Variants in TEX10 observed in about 807,000 individuals in gnomAD.
TEX10 encodes the protein testis-expressed protein 10.
Under a neutral mutation model 104.4 loss-of-function variants are expected in TEX10, and 24 were observed. The observed-to-expected ratio is 0.23, with a 90% CI of 0.17 to 0.32. The LOEUF (loss-of-function observed/expected upper bound fraction) is 0.32. Among genes scored for constraint, TEX10 ranks in the 10% least tolerant of loss-of-function variants. The pLI is 1.00. For missense variants in TEX10, 921 were observed against 1,083.9 expected (o/e 0.85, Z 2.11); for synonymous variants, 396 against 393.4 (o/e 1.01, Z -0.08).
At chr9:100,336,206 C>T (rs778474180) in intron 5 of TEX10, among the ~76,000 whole-genome samples, 2 of 151,988 alleles carry the variant, frequency 1.3e-5, no homozygotes, top group African/African-American at 2.4e-5. Context: ...AATAAAAATA[C>T]ACTGGGGGTA....
intron 5 of TEX10, among the ~76,000 whole-genome samples, chr9:100,334,352 T>C (rs1469894717): frequency 6.6e-6 from 1 of 152,148 alleles, no homozygotes; most frequent in African/African-American, 2.4e-5. Flanking sequence ...AGTAAAATAT[T>C]ATTGTCAGTG....
chr9:100,346,885 G>A lies in TEX10; in HGVS notation c.702C>T (p.Phe234=), dbSNP rs553595195. ...RLKVLVRLSK[F]LQALADGSSR... ...TGGATCCATCTGCCAAGGCCTGAAG[G>A]AATTTACTGAGTCTCACTAAGACTT... Residue 234 remains phenylalanine (F), a synonymous_variant, in exon 3 of 15, where the codon TTC becomes TTT. Transcript: ENST00000374902. 4.6e-5 allele frequency: 74 copies of A among 1,614,158 alleles called. 2 individuals carry two copies. The South Asian group carries it at 7.7e-4, about 17-fold the overall frequency.
At chr9:100,348,853 G>C (rs1472562241) in intron 2 of TEX10, among the ~76,000 whole-genome samples, 2 of 152,166 alleles carry the variant, frequency 1.3e-5, no homozygotes, top group African/African-American at 4.8e-5. Context: ...CCTGGCTGCA[G>C]TGAGCCATGA....
intron 13 of TEX10, chr9:100,305,247 T>TGACTACCTC (rs1834116880): frequency 6.6e-6 from 1 of 152,228 alleles, no homozygotes; most frequent in Non-Finnish European, 1.5e-5. Context: ...TAAGAGAACC[T>TGACTACCTC]GACTACCTCC....
chr9:100,314,990 C>T (rs1246733979), intron 11 of TEX10, among the ~76,000 whole-genome samples: 1 of 152,126 alleles, frequency 6.6e-6, no homozygotes, highest in African/African-American at 2.4e-5. Flanking sequence ...TGCTCAAGAG[C>T]ACGTCATCGT....
intron 5 of TEX10, among the ~76,000 whole-genome samples, chr9:100,331,788 A>C (rs964940767): frequency 2.6e-5 from 4 of 152,250 alleles, no homozygotes; most frequent in African/African-American, 9.6e-5. Context: ...GCCTATAAAC[A>C]AAGAAGCAGC....
At chr9:100,330,266 T>C in intron 5 of TEX10, 97 bp from the exon 6 acceptor site, 1 of 984,224 alleles carries the variant, frequency 1.0e-6, no homozygotes, top group Non-Finnish European at 1.5e-6. Flanking sequence ...TTTTAAAAAA[T>C]TCCCTTCTAG....
chr9:100,310,509 G>A, intron 11 of TEX10, 130 bp from the exon 12 acceptor site: 1 of 790,242 alleles, frequency 1.3e-6, no homozygotes, highest in Non-Finnish European at 2.0e-6. Flanking sequence ...TGCAGTCTCA[G>A]CTCACCGCAA....
At chr9:100,328,357 A>G (rs1018456940) in intron 7 of TEX10, among the ~76,000 whole-genome samples, 2 of 152,226 alleles carry the variant, frequency 1.3e-5, no homozygotes, top group African/African-American at 4.8e-5. Context: ...AATGTCTTGA[A>G]TAACAGTGAA....
At chr9:100,329,725 C>T (rs1834805451) in intron 6 of TEX10, among the ~76,000 whole-genome samples, 1 of 152,096 alleles carries the variant, frequency 6.6e-6, no homozygotes, top group Admixed American at 6.6e-5. Context: ...CTTTATCAAT[C>T]TGCTTCAGAG....
At chr9:100,317,685 A>C (rs1834457199) in intron 11 of TEX10, among the ~76,000 whole-genome samples, 1 of 152,180 alleles carries the variant, frequency 6.6e-6, no homozygotes. Context: ...CTACCTAAGC[A>C]AACAGAAAAC....
intron 5 of TEX10, among the ~76,000 whole-genome samples, chr9:100,335,564 C>G (rs568300514): frequency 6.6e-6 from 1 of 152,158 alleles, no homozygotes; most frequent in African/African-American, 2.4e-5. Flanking sequence ...TTAAGTGAAA[C>G]TGGCTTGTTT....
chr9:100,325,323 T>C (rs893834959), intron 9 of TEX10, among the ~76,000 whole-genome samples: 1 of 152,180 alleles, frequency 6.6e-6, no homozygotes, highest in African/African-American at 2.4e-5. Context: ...TACATGAGGA[T>C]ACTTCCAACA....
chr9:100,315,590 C>T (rs1319452619), intron 11 of TEX10, among the ~76,000 whole-genome samples: 1 of 152,180 alleles, frequency 6.6e-6, no homozygotes, highest in Non-Finnish European at 1.5e-5. Context: ...AAAAGTATAG[C>T]TACTCCTGCT....
chr9:100,316,437 A>T (rs1038704398), intron 11 of TEX10, among the ~76,000 whole-genome samples: 7 of 152,218 alleles, frequency 4.6e-5, no homozygotes, highest in African/African-American at 1.7e-4. Context: ...GAATGAAGAA[A>T]AGTTGGAAAG....
rs777474702 is a variant in TEX10, at chr9:100,321,671, G to C, written c.2068+12C>G. 1.9e-6 allele frequency: 3 copies of C among 1,601,602 alleles called. No individual in the cohort carries two copies. The highest frequency in any genetic ancestry group is 1.7e-4 in the Middle Eastern group (1 of 6,002). On this transcript the variant is annotated intron_variant, in intron 10 of 14. Transcript: ENST00000374902. ...TTTTTTCTTTTTTAATCTGGCAAGT[G>C]AATGTGGTTACCTGTAAGTGTGGAA...
At chr9:100,326,160 C>T (rs981765653) in intron 9 of TEX10, 142 bp downstream of exon 9, 3 of 807,896 alleles carry the variant, frequency 3.7e-6, no homozygotes, top group Admixed American at 6.2e-5. Context: ...CTTACTCTAC[C>T]TAGTGATATA....
intron 13 of TEX10, chr9:100,304,316 T>G: frequency 4.8e-6 from 1 of 207,624 alleles, no homozygotes; most frequent in East Asian, 1.2e-4. Flanking sequence ...ACAACCTGAC[T>G]TCACAGTACA....
chr9:100,316,208 G>C (rs1486474634), intron 11 of TEX10, among the ~76,000 whole-genome samples: 1 of 152,116 alleles, frequency 6.6e-6, no homozygotes, highest in Non-Finnish European at 1.5e-5. Context: ...AGGGGTGCAA[G>C]AATGGTTCAG....
Sources: gnomAD v4.1 joint callset for allele counts (sites outside exome capture counted in the v4.1 genomes callset) on GRCh38, gnomAD v4.1.1 for gene constraint, MANE v1.5 for transcripts, NCBI Gene and HGNC (gene_info 2026-07-23, HGNC 2026-07-21) for gene names.